The following SEMA4D variants were observed in gnomAD, a reference collection of about 807,000 sequenced individuals.
SEMA4D encodes semaphorin-4D.
Under a neutral mutation model 74.8 loss-of-function variants are expected in SEMA4D, and 22 were observed. The ratio of observed to expected loss-of-function variants is 0.29; its 90% CI spans 0.21 to 0.42. The LOEUF (loss-of-function observed/expected upper bound fraction) is 0.42, where lower values mean the gene tolerates loss of function less well. SEMA4D is among the 10% of genes least tolerant of loss of function. The pLI is 1.00. For missense variants in SEMA4D, 937 were observed against 1,118.4 expected (o/e 0.84, Z 2.31); for synonymous variants, 445 against 463.7 (o/e 0.96, Z 0.52).
chr9:89,498,027 G>T lies in SEMA4D; in HGVS notation c.-418C>A, dbSNP rs1035478469. 1 of 147,466 alleles carries T rather than the reference G, an allele frequency of 6.8e-6. No individual in the cohort carries two copies. Among genetic ancestry groups the T allele is most frequent in the South Asian group, 1.8e-4 (1 of 5,638 alleles). 9.1% of individuals were successfully genotyped at this position (147,466 alleles called of 1,614,324 possible). A position where few individuals can be genotyped will look rare whatever the true frequency, so the allele number is the denominator to read the frequency against. On this transcript the variant is annotated 5_prime_UTR_variant, in exon 1 of 16. Transcript: ENST00000422704. The stretch of plus-strand genomic sequence containing the variant: ...GGCGGGAGGCGGCCGGGCCGGGGAG[G>T]GGGTGGCGGGGAGGCCCGGCGGCGG...
At chr9:89,386,519 C>T in intron 12 of SEMA4D, 37 bp from the exon 13 acceptor site, 3 of 1,437,194 alleles carry the variant, frequency 2.1e-6, no homozygotes, top group Non-Finnish European at 2.9e-6. Context: ...GACACTAACC[C>T]AGACACAGAA....
intron 2 of SEMA4D, chr9:89,418,309 A>T: frequency 1.1e-6 from 1 of 869,586 alleles, no homozygotes; most frequent in East Asian, 1.2e-4. Flanking sequence ...AGGAGGGAGG[A>T]GCTGTGCAAC....
intron 1 of SEMA4D, among the ~76,000 whole-genome samples, chr9:89,486,476 GA>G (rs1250401469): frequency 6.6e-6 from 1 of 152,140 alleles, no homozygotes; most frequent in African/African-American, 2.4e-5. Context: ...CATTTAACAG[GA>G]AAGATTTCAC....
chr9:89,448,565 G>A (rs564749207), intron 2 of SEMA4D, among the ~76,000 whole-genome samples: 7 of 152,074 alleles, frequency 4.6e-5, no homozygotes, highest in Admixed American at 2.6e-4. Flanking sequence ...GCCACAGCCC[G>A]CCTACACTCT....
At chr9:89,476,492 G>A (rs968150854) in intron 1 of SEMA4D, among the ~76,000 whole-genome samples, 12 of 152,104 alleles carry the variant, frequency 7.9e-5, no homozygotes, top group African/African-American at 2.9e-4. Flanking sequence ...AATGAGGGTG[G>A]TCCTCATCCA....
intron 2 of SEMA4D, among the ~76,000 whole-genome samples, chr9:89,409,677 G>T (rs1371248724): frequency 2.0e-5 from 3 of 152,192 alleles, no homozygotes; most frequent in African/African-American, 7.2e-5. Context: ...CATTAAGGAA[G>T]TAAGTGCCCA....
At chr9:89,418,791 C>T (rs1242966330) in intron 2 of SEMA4D, 3 of 152,058 alleles carry the variant, frequency 2.0e-5, no homozygotes, top group Admixed American at 6.5e-5. Flanking sequence ...CAGGAGCCGA[C>T]GCTGATCCCT....
In SEMA4D at chr9:89,388,703, G is replaced by A. The variant is rs374906237; in HGVS notation, c.1040C>T (p.Thr347Ile). The change falls in exon 11 of 16, where the codon ACA (threonine) becomes ATA (isoleucine). Residue 347 changes from threonine (T) to isoleucine (I), a missense_variant. By Grantham distance (89) the Thr-to-Ile change is moderately conservative. Transcript: ENST00000422704. Reference sequence around the variant, plus strand: ...CCACTTGGTGTGGGACTGCTCCACTGTGGTGCTCTGCATGTACTTCCCGTG... The same window carrying A: ...CCACTTGGTGTGGGACTGCTCCACTATGGTGCTCTGCATGTACTTCCCGTG... ...FSHGKYMQSTTVEQSHTKWVR... is the reference protein window; with the variant it reads ...FSHGKYMQSTIVEQSHTKWVR... The A allele has an allele frequency of 1.2e-5, 19 of 1,610,268 alleles. No homozygotes were observed. Among genetic ancestry groups the A allele is most frequent in the Non-Finnish European group, 1.5e-5 (18 of 1,179,380 alleles).
chr9:89,374,532 CTGA>C (rs1835529177), downstream of SEMA4D, among the ~76,000 whole-genome samples: 2 of 152,230 alleles, frequency 1.3e-5, no homozygotes, highest in Non-Finnish European at 2.9e-5. Context: ...CTGCCCATGG[CTGA>C]TAATGGAAAC....
intron 2 of SEMA4D, among the ~76,000 whole-genome samples, chr9:89,410,582 G>A (rs1844305900): frequency 6.6e-6 from 1 of 152,174 alleles, no homozygotes; most frequent in African/African-American, 2.4e-5. Flanking sequence ...TGAAAAAAAG[G>A]GGAACAGACA....
chr9:89,364,011 A>G, intron 16 of SEMA4D: 1 of 1,613,410 alleles, frequency 6.2e-7, no homozygotes, highest in Non-Finnish European at 8.5e-7. Context: ...AAGCTGCCCC[A>G]TGAGGGTGCA....
chr9:89,389,726 C>G lies in SEMA4D; in HGVS notation c.775-679G>C, dbSNP rs182609061. Among the ~76,000 whole-genome samples, 24 of 152,338 alleles carry G rather than the reference C, an allele frequency of 1.6e-4. No homozygotes were observed. In the East Asian group the frequency reaches 4.6e-3, roughly 29 times the overall value. Reference sequence around the variant, plus strand: ...AGTGCAGAAGAATATGAAATAGAAGCAGCCTTACTTATTTTGGACACAGGG... The same window carrying G: ...AGTGCAGAAGAATATGAAATAGAAGGAGCCTTACTTATTTTGGACACAGGG... On this transcript the variant is annotated intron_variant, in intron 9 of 15. Transcript: ENST00000422704.
chr9:89,387,100 A>G (rs1838699512), intron 12 of SEMA4D: 2 of 360,522 alleles, frequency 5.5e-6, no homozygotes, highest in African/African-American at 4.2e-5. Flanking sequence ...CACTGCCCCA[A>G]CTCCTCGGCG....
intron 2 of SEMA4D, among the ~76,000 whole-genome samples, chr9:89,435,277 A>C (rs1244989239): frequency 6.6e-6 from 1 of 152,226 alleles, no homozygotes; most frequent in Non-Finnish European, 1.5e-5. Context: ...ATAACCAGAA[A>C]ACCAGTACAT....
chr9:89,388,159 C>T (rs1027724101), intron 11 of SEMA4D, among the ~76,000 whole-genome samples: 1 of 152,202 alleles, frequency 6.6e-6, no homozygotes, highest in African/African-American at 2.4e-5. Flanking sequence ...AGGGCCAGGA[C>T]ACCCCATGTA....
intron 16 of SEMA4D, among the ~76,000 whole-genome samples, chr9:89,366,818 C>T (rs1186711310): frequency 3.3e-5 from 5 of 152,156 alleles, no homozygotes; most frequent in Admixed American, 2.6e-4. Flanking sequence ...AGCCCGGTCT[C>T]CTCCCTCATG....
intron 1 of SEMA4D, among the ~76,000 whole-genome samples, chr9:89,460,910 C>T (rs746678632): frequency 2.0e-4 from 31 of 152,150 alleles, no homozygotes; most frequent in Admixed American, 9.2e-4. Flanking sequence ...CCACATATGC[C>T]GAAGGGGAGG....
chr9:89,397,229 T>C (rs1841170964), intron 5 of SEMA4D, among the ~76,000 whole-genome samples: 1 of 152,348 alleles, frequency 6.6e-6, no homozygotes, highest in Non-Finnish European at 1.5e-5. Flanking sequence ...ACTCAATGAA[T>C]GCTTACCTCA....
intron 1 of SEMA4D, among the ~76,000 whole-genome samples, chr9:89,467,522 G>A (rs1269807247): frequency 6.7e-6 from 1 of 150,260 alleles, no homozygotes; most frequent in African/African-American, 2.4e-5. Flanking sequence ...CCACACCTGG[G>A]AGCGCATGAT....
Sources: allele counts gnomAD v4.1 joint callset (sites outside exome capture counted in the v4.1 genomes callset), GRCh38; gene constraint gnomAD v4.1.1; transcripts MANE v1.5; gene names NCBI Gene and HGNC (gene_info 2026-07-23, HGNC 2026-07-21).